RDX: variants seen among roughly 807,000 people sequenced by gnomAD.
RDX encodes the protein deafness, autosomal recessive 24.
Under a neutral mutation model 83.7 loss-of-function variants are expected in RDX, and 32 were observed. The observed-to-expected ratio is 0.38, with a 90% CI of 0.29 to 0.51. The LOEUF is 0.51. Among genes scored for constraint, RDX ranks in the 20% least tolerant of loss-of-function variants. RDX has a pLI of 0.87. For synonymous variants in RDX, 229 were observed against 222.7 expected (o/e 1.03, Z -0.25); for missense variants, 600 against 689.9 (o/e 0.87, Z 1.46).
chr11:110,235,569 T>A (rs1407789262), intron 12 of RDX, among the ~76,000 whole-genome samples: 2 of 152,214 alleles, frequency 1.3e-5, no homozygotes, highest in African/African-American at 4.8e-5. Context: ...TTTTGAAATC[T>A]TCTAAGCCCC....
chr11:110,224,451 C>A (rs1322763332), downstream of RDX, among the ~76,000 whole-genome samples: 1 of 152,050 alleles, frequency 6.6e-6, no homozygotes, highest in Non-Finnish European at 1.5e-5. Context: ...ATGGAAGTGT[C>A]CATAATCTGA....
At chr11:110,243,724 A>T (rs1038824828) in intron 10 of RDX, among the ~76,000 whole-genome samples, 2 of 152,160 alleles carry the variant, frequency 1.3e-5, no homozygotes, top group African/African-American at 4.8e-5. Context: ...TCTCAGGAAA[A>T]AAAAAAATAC....
At chr11:110,202,600 T>C (rs951867511) in intron 14 of RDX, among the ~76,000 whole-genome samples, 2 of 150,098 alleles carry the variant, frequency 1.3e-5, no homozygotes, top group African/African-American at 4.9e-5. Context: ...TCTTTCTTTT[T>C]TTTTTTTTTT....
In RDX at chr11:110,230,270, G is replaced by C. The variant is rs1298206160; in HGVS notation, c.*1599C>G. 2 of 151,962 alleles carry C rather than the reference G, an allele frequency of 1.3e-5. No individual in the cohort carries two copies. The highest frequency in any genetic ancestry group is 2.4e-5 in the African/African-American group (1 of 41,392). 9.4% of individuals were successfully genotyped at this position (151,962 alleles called of 1,614,324 possible). A position where few individuals can be genotyped will look rare whatever the true frequency, so the allele number is the denominator to read the frequency against. The stretch of plus-strand genomic sequence containing the variant: ...AGCTGAACCACACAGAGAAAACAAG[G>C]CTTTACGTATCTCCAAATTTAGCTG... On this transcript the variant is annotated 3_prime_UTR_variant, in exon 14 of 14. Coordinates refer to ENST00000645495, the MANE Select transcript of RDX (RefSeq NM_002906.4).
chr11:110,198,510 A>G (rs1489345206), intron 15 of RDX, among the ~76,000 whole-genome samples: 1 of 152,210 alleles, frequency 6.6e-6, no homozygotes, highest in Admixed American at 6.5e-5. Context: ...GTGGTGAACA[A>G]GCATTATGGC....
At chr11:110,246,510 C>G (rs1006702486) in intron 10 of RDX, among the ~76,000 whole-genome samples, 1 of 152,188 alleles carries the variant, frequency 6.6e-6, no homozygotes, top group Non-Finnish European at 1.5e-5. Flanking sequence ...CATGGTGGCT[C>G]ACGCCTGTAA....
chr11:110,219,011 T>C (rs1864155092), intron 14 of RDX, among the ~76,000 whole-genome samples: 1 of 152,172 alleles, frequency 6.6e-6, no homozygotes, highest in Non-Finnish European at 1.5e-5. Flanking sequence ...GTGAGATAGA[T>C]ACAATACAAA....
intron 15 of RDX, among the ~76,000 whole-genome samples, chr11:110,176,051 C>T (rs552194338): frequency 2.5e-4 from 38 of 151,290 alleles, no homozygotes; most frequent in African/African-American, 6.5e-4. Flanking sequence ...TGGGTGAGGG[C>T]GCACCAGCAC....
intron 1 of RDX, among the ~76,000 whole-genome samples, chr11:110,281,068 G>A (rs530649664): frequency 1.3e-5 from 2 of 151,922 alleles, no homozygotes; most frequent in Non-Finnish European, 2.9e-5. Context: ...AGGAGGCTGA[G>A]GCAGGAGAAT....
chr11:110,236,257 A>G, intron 11 of RDX, 66 bp from the exon 12 acceptor site: 1 of 1,206,694 alleles, frequency 8.3e-7, no homozygotes, highest in Non-Finnish European at 1.2e-6. Flanking sequence ...AAGTCAACAA[A>G]GTTTTAATGC....
At chr11:110,203,076 C>T (rs1429810209) in intron 14 of RDX, among the ~76,000 whole-genome samples, 1 of 152,142 alleles carries the variant, frequency 6.6e-6, no homozygotes, top group East Asian at 1.9e-4. Context: ...AACTGCAACA[C>T]TACTCACAAT....
chr11:110,289,513 G>GTT (rs1347978971), intron 1 of RDX, among the ~76,000 whole-genome samples: 2 of 152,126 alleles, frequency 1.3e-5, no homozygotes, highest in Non-Finnish European at 2.9e-5. Flanking sequence ...AACAGCTTAA[G>GTT]TATCAGGAGT....
chr11:110,236,258 G>A (rs1864846036), intron 11 of RDX, 67 bp from the exon 12 acceptor site: 1 of 1,194,986 alleles, frequency 8.4e-7, no homozygotes, highest in Non-Finnish European at 1.2e-6. Flanking sequence ...AGTCAACAAA[G>A]TTTTAATGCA....
At chr11:110,236,511 A>G in intron 11 of RDX, 1 of 282,500 alleles carries the variant, frequency 3.5e-6, no homozygotes, top group South Asian at 4.3e-5. Context: ...AAGTCCACAA[A>G]AGATAAAATA....
At chr11:110,252,221 T>C (rs1308646626) in intron 9 of RDX, among the ~76,000 whole-genome samples, 6 of 152,182 alleles carry the variant, frequency 3.9e-5, no homozygotes, top group Admixed American at 3.9e-4. Context: ...CTAACATTTA[T>C]CCAGGAGAAC....
At chr11:110,287,015 T>C (rs151084155) in intron 1 of RDX, 23 of 152,320 alleles carry the variant, frequency 1.5e-4, no homozygotes, top group African/African-American at 5.3e-4. Context: ...GTAATATATA[T>C]GCTTTTTTAA....
chr11:110,191,077 C>A (rs1468645406), intron 15 of RDX, among the ~76,000 whole-genome samples: 1 of 152,178 alleles, frequency 6.6e-6, no homozygotes, highest in Admixed American at 6.5e-5. Flanking sequence ...GGGAATCCCC[C>A]CTAACTCATT....
At chr11:110,236,863 A>C (rs1207898341) in intron 11 of RDX, among the ~76,000 whole-genome samples, 3 of 151,744 alleles carry the variant, frequency 2.0e-5, no homozygotes, top group Non-Finnish European at 4.4e-5. Context: ...CAGGTGATCC[A>C]CCTGCCTCGG....
At chr11:110,246,770 G>A (rs566865231) in intron 10 of RDX, among the ~76,000 whole-genome samples, 40 of 146,062 alleles carry the variant, frequency 2.7e-4, no homozygotes, top group Non-Finnish European at 5.1e-4. Flanking sequence ...AAAAAGCTCC[G>A]ATTTTGGATT....
Sources: gnomAD v4.1 joint callset for allele counts (sites outside exome capture counted in the v4.1 genomes callset) on GRCh38, gnomAD v4.1.1 for gene constraint, MANE v1.5 for transcripts, NCBI Gene and HGNC (gene_info 2026-07-23, HGNC 2026-07-21) for gene names.